Variants in MIPOL1 observed in about 807,000 individuals in gnomAD.
MIPOL1 encodes mirror-image polydactyly gene 1 protein.
In MIPOL1, 57 loss-of-function variants were observed where a neutral mutation model predicts 60.9. The observed-to-expected ratio is 0.94, with a 90% CI of 0.76 to 1.17. MIPOL1 has a LOEUF of 1.17. Ranked by LOEUF, MIPOL1 falls within the 50% of genes most tolerant of loss-of-function variation. MIPOL1 has a pLI of 0.00. For synonymous variants in MIPOL1, 179 were observed against 168.8 expected (o/e 1.06, Z -0.47); for missense variants, 551 against 511.6 (o/e 1.08, Z -0.74).
At chr14:37,450,127 T>C (rs1316233863) in intron 11 of MIPOL1, among the ~76,000 whole-genome samples, 1 of 152,128 alleles carries the variant, frequency 6.6e-6, no homozygotes, top group Non-Finnish European at 1.5e-5. Flanking sequence ...TTCTTTTTTT[T>C]TGGATCTTGT....
chr14:37,276,590 T>A (rs1254604065), intron 6 of MIPOL1: 2 of 151,160 alleles, frequency 1.3e-5, no homozygotes, highest in East Asian at 3.9e-4. Flanking sequence ...GACCATCTAA[T>A]TAAGAGGAAC....
chr14:37,282,174 G>T (rs1399055056), intron 6 of MIPOL1, among the ~76,000 whole-genome samples: 1 of 151,832 alleles, frequency 6.6e-6, no homozygotes, highest in African/African-American at 2.4e-5. Context: ...TAGTTTGACA[G>T]TATAAATAAA....
chr14:37,279,486 C>G (rs2083924804), intron 6 of MIPOL1, among the ~76,000 whole-genome samples: 1 of 151,838 alleles, frequency 6.6e-6, no homozygotes, highest in Non-Finnish European at 1.5e-5. Context: ...TTGAGAGTTG[C>G]ATATTGATCC....
intron 9 of MIPOL1, among the ~76,000 whole-genome samples, chr14:37,318,335 A>C (rs2088159467): frequency 6.6e-6 from 1 of 152,192 alleles, no homozygotes; most frequent in Non-Finnish European, 1.5e-5. Context: ...TAGAAATTTG[A>C]CAAAAAGGTT....
At chr14:37,499,866 T>C (rs1240632488) in intron 11 of MIPOL1, 42 bp from the exon 12 acceptor site, 2 of 1,099,746 alleles carry the variant, frequency 1.8e-6, no homozygotes, top group African/African-American at 3.2e-5. Context: ...GATCACTCAG[T>C]TTACATTACT....
intron 9 of MIPOL1, among the ~76,000 whole-genome samples, chr14:37,325,371 TA>T (rs1187924575): frequency 1.3e-5 from 2 of 152,154 alleles, no homozygotes; most frequent in Non-Finnish European, 2.9e-5. Context: ...TACTCTTTTT[TA>T]TCTACAAATT....
intron 1 of MIPOL1, among the ~76,000 whole-genome samples, chr14:37,226,160 C>T (rs7145914): frequency 0.046 from 6,993 of 152,256 alleles, 318 homozygotes; most frequent in Admixed American, 0.1. Flanking sequence ...TTCCTGTCTT[C>T]TTCTGACCCC....
intron 11 of MIPOL1, among the ~76,000 whole-genome samples, chr14:37,426,637 T>C (rs865821270): frequency 1.2e-3 from 172 of 143,578 alleles, no homozygotes; most frequent in Admixed American, 2.9e-3. Context: ...TGTATATATA[T>C]ATATTATATA....
chr14:37,275,546 A>G (rs2083589565), intron 6 of MIPOL1, among the ~76,000 whole-genome samples: 2 of 151,258 alleles, frequency 1.3e-5, no homozygotes, highest in African/African-American at 4.8e-5. Flanking sequence ...TAGCTTGTTC[A>G]ATTAAACCTT....
intron 12 of MIPOL1, among the ~76,000 whole-genome samples, chr14:37,511,383 A>ATG (rs1269076630): frequency 6.6e-6 from 1 of 152,184 alleles, no homozygotes; most frequent in Non-Finnish European, 1.5e-5. Flanking sequence ...CTGGTACTGA[A>ATG]TGTGCTTGGT....
chr14:37,387,609 A>AACTTTCAG (rs2093109329), intron 10 of MIPOL1, among the ~76,000 whole-genome samples: 1 of 151,922 alleles, frequency 6.6e-6, no homozygotes, highest in Non-Finnish European at 1.5e-5. Context: ...CCTGTGACCT[A>AACTTTCAG]ACTTTCAGCC....
intron 12 of MIPOL1, among the ~76,000 whole-genome samples, chr14:37,510,545 A>AT (rs2095320290): frequency 6.6e-6 from 1 of 151,922 alleles, no homozygotes; most frequent in Non-Finnish European, 1.5e-5. Flanking sequence ...CATAGGTGGT[A>AT]TTTTTTTAAT....
chr14:37,412,886 TAATC>T (rs1212794066), intron 10 of MIPOL1, among the ~76,000 whole-genome samples: 1 of 152,094 alleles, frequency 6.6e-6, no homozygotes, highest in Non-Finnish European at 1.5e-5. Context: ...GTGGGGAAGA[TAATC>T]AAGAAAGGAC....
chr14:37,351,030 G>A (rs1213217520), intron 9 of MIPOL1, among the ~76,000 whole-genome samples: 2 of 137,806 alleles, frequency 1.5e-5, no homozygotes, highest in Admixed American at 7.4e-5. Context: ...CTAGCATTAG[G>A]TATATCTCCC....
chr14:37,447,801 G>A lies in MIPOL1; in HGVS notation c.1031+24852G>A, dbSNP rs371708487. On this transcript the variant is annotated intron_variant, in intron 11 of 12. Transcript: ENST00000684589. ...ATCTTAAATACTTTAATTCCAGTGA[G>A]CTGTTTTTTTTAATAATATAGATGT... is the stretch of plus-strand genomic sequence containing the variant. Among the ~76,000 whole-genome samples the A allele has an allele frequency of 7.2e-4, 110 of 152,130 alleles. 3 individuals carry two copies. The South Asian group carries it at 0.021, about 30-fold the overall frequency.
intron 1 of MIPOL1, among the ~76,000 whole-genome samples, chr14:37,215,006 T>G (rs1451809742): frequency 6.6e-6 from 1 of 152,126 alleles, no homozygotes; most frequent in African/African-American, 2.4e-5. Context: ...TGTGCTTCAG[T>G]GGTCATGCTC....
chr14:37,260,931 G>A (rs2082477848), intron 3 of MIPOL1, among the ~76,000 whole-genome samples: 1 of 151,936 alleles, frequency 6.6e-6, no homozygotes, highest in African/African-American at 2.4e-5. Context: ...TAATAACATA[G>A]AAGTATGTTA....
intron 9 of MIPOL1, among the ~76,000 whole-genome samples, chr14:37,345,436 C>A (rs903188976): frequency 6.6e-6 from 1 of 152,152 alleles, no homozygotes; most frequent in African/African-American, 2.4e-5. Context: ...TGTCATTATA[C>A]ACTCAATAAT....
At position 37,550,844 on chromosome 14, in the gene MIPOL1, C is replaced by G. The variant is rs2095560108; in HGVS notation, c.*3873C>G. 1 of 152,470 alleles carries G rather than the reference C, an allele frequency of 6.6e-6. No individual in the cohort carries two copies. Among genetic ancestry groups the G allele is most frequent in the Non-Finnish European group, 1.5e-5 (1 of 67,980 alleles). 9.4% of individuals were successfully genotyped at this position (152,470 alleles called of 1,614,324 possible). A position where few individuals can be genotyped will look rare whatever the true frequency, so the allele number is the denominator to read the frequency against. On this transcript the variant is annotated 3_prime_UTR_variant, in exon 13 of 13. Coordinates refer to ENST00000684589, the MANE Select transcript of MIPOL1 (RefSeq NM_001388067.1). ...TACCAAATTTTTTGTAATCCTTTTA[C>G]TAGAAAAATCTTTTTTGAAGAGTTT...
Sources: gnomAD v4.1 joint callset for allele counts (sites outside exome capture counted in the v4.1 genomes callset) on GRCh38, gnomAD v4.1.1 for gene constraint, MANE v1.5 for transcripts, NCBI Gene and HGNC (gene_info 2026-07-23, HGNC 2026-07-21) for gene names.